The following CACNB4 variants were observed in gnomAD, a reference collection of about 807,000 sequenced individuals.
CACNB4 encodes calcium voltage-gated channel auxiliary subunit beta 4, also known as voltage-dependent L-type calcium channel subunit beta-4.
Under a neutral mutation model 71.2 loss-of-function variants are expected in CACNB4, and 32 were observed. The ratio of observed to expected loss-of-function variants is 0.45; its 90% CI spans 0.34 to 0.60. The LOEUF (loss-of-function observed/expected upper bound fraction) is 0.60, where lower values mean the gene tolerates loss of function less well. Ranked by LOEUF, CACNB4 falls within the 20% of genes least tolerant of loss-of-function variation. The pLI, the probability that CACNB4 is intolerant of heterozygous loss-of-function variation, is 0.01. For synonymous variants in CACNB4, 231 were observed against 236.9 expected (o/e 0.97, Z 0.23); for missense variants, 464 against 647.9 (o/e 0.72, Z 3.08).
intron 2 of CACNB4, among the ~76,000 whole-genome samples, chr2:151,985,235 T>A (rs1447237645): frequency 6.6e-6 from 1 of 152,202 alleles, no homozygotes; most frequent in Non-Finnish European, 1.5e-5. Flanking sequence ...TTGTTTTACA[T>A]CTAGAATATG....
At chr2:151,913,535 G>C (rs1407312530) in intron 2 of CACNB4, among the ~76,000 whole-genome samples, 5 of 152,104 alleles carry the variant, frequency 3.3e-5, no homozygotes, top group Non-Finnish European at 7.4e-5. Context: ...GGAGGCAGAG[G>C]AGGGTGGATC....
intron 2 of CACNB4, among the ~76,000 whole-genome samples, chr2:151,962,083 G>A (rs1002422179): frequency 1.3e-5 from 2 of 152,188 alleles, no homozygotes; most frequent in African/African-American, 4.8e-5. Flanking sequence ...GCTGAGTTTG[G>A]CCAAAAGGCA....
At chr2:151,932,722 TAGG>T (rs932884950) in intron 2 of CACNB4, among the ~76,000 whole-genome samples, 18 of 151,338 alleles carry the variant, frequency 1.2e-4, no homozygotes, top group African/African-American at 4.4e-4. Flanking sequence ...TTCAGCCACT[TAGG>T]AGGCTGAGGC....
chr2:151,937,421 T>C (rs2099863185), intron 2 of CACNB4, among the ~76,000 whole-genome samples: 1 of 152,228 alleles, frequency 6.6e-6, no homozygotes, highest in South Asian at 2.1e-4. Context: ...CAGAGATTAC[T>C]TCCTGGCTAC....
At chr2:152,051,631 C>T (rs1184792007) in intron 2 of CACNB4, among the ~76,000 whole-genome samples, 1 of 152,176 alleles carries the variant, frequency 6.6e-6, no homozygotes, top group African/African-American at 2.4e-5. Flanking sequence ...CAGTTGTCTG[C>T]AAACTGAAAG....
intron 2 of CACNB4, among the ~76,000 whole-genome samples, chr2:151,997,563 G>A (rs1209769384): frequency 6.6e-6 from 1 of 152,068 alleles, no homozygotes; most frequent in African/African-American, 2.4e-5. Flanking sequence ...GGACAAAGGG[G>A]AGAAGACACA....
At chr2:152,048,683 A>G (rs1685260504) in intron 2 of CACNB4, 1 of 152,266 alleles carries the variant, frequency 6.6e-6, no homozygotes, top group African/African-American at 2.4e-5. Context: ...GCCTGCACCC[A>G]TGGGATGGAA....
intron 2 of CACNB4, among the ~76,000 whole-genome samples, chr2:151,925,147 T>C (rs2099859913): frequency 6.6e-6 from 1 of 152,176 alleles, no homozygotes; most frequent in African/African-American, 2.4e-5. Context: ...TAAACAGTGG[T>C]TAGTGAACAA....
chr2:151,996,930 G>GAA (rs35096428), intron 2 of CACNB4, among the ~76,000 whole-genome samples: 55 of 151,776 alleles, frequency 3.6e-4, no homozygotes, highest in East Asian at 9.7e-4. Flanking sequence ...TGGTGTTTAA[G>GAA]AAAAAAAATA....
rs543817504 is a variant in CACNB4 at position 152,024,104 on chromosome 2, G to A, written c.147+74226C>T. On this transcript the variant is annotated intron_variant, in intron 2 of 13. Coordinates refer to ENST00000539935, the MANE Select transcript of CACNB4 (RefSeq NM_000726.5). ...GGAGGCTGAAGGAGGAGGATTGCTT[G>A]AGGCCAGGAGGTCAAGACCAGCCTG... 2.0e-5 allele frequency among the ~76,000 whole-genome samples: 3 copies of A among 152,332 alleles called. No individual in the cohort carries two copies. In the South Asian group the frequency reaches 6.2e-4, roughly 32 times the overall value.
chr2:152,091,256 A>G (rs541828267), intron 2 of CACNB4, among the ~76,000 whole-genome samples: 219 of 152,282 alleles, frequency 1.4e-3, no homozygotes, highest in Middle Eastern at 3.4e-3. Context: ...GCAAGAGAAG[A>G]TTCATTGCAC....
intron 2 of CACNB4, among the ~76,000 whole-genome samples, chr2:151,937,089 C>T (rs2099863101): frequency 6.6e-6 from 1 of 152,164 alleles, no homozygotes; most frequent in South Asian, 2.1e-4. Flanking sequence ...TACATTTCAA[C>T]CCAGTTTCAG....
At chr2:152,026,924 T>TG (rs397703236) in intron 2 of CACNB4, among the ~76,000 whole-genome samples, 9 of 151,604 alleles carry the variant, frequency 5.9e-5, no homozygotes, top group Non-Finnish European at 8.8e-5. Flanking sequence ...TTTTTTTTTT[T>TG]GATACGGAGT....
intron 2 of CACNB4, among the ~76,000 whole-genome samples, chr2:152,087,923 C>G (rs1687751547): frequency 6.6e-6 from 1 of 151,868 alleles, no homozygotes; most frequent in Non-Finnish European, 1.5e-5. Flanking sequence ...AAATCTGAAG[C>G]CAGTCACAAA....
intron 2 of CACNB4, among the ~76,000 whole-genome samples, chr2:151,997,309 C>A (rs1425794191): frequency 6.6e-6 from 1 of 151,878 alleles, no homozygotes; most frequent in African/African-American, 2.4e-5. Flanking sequence ...CTGAGGCAGG[C>A]GGATCACGAG....
At chr2:151,896,264 G>C (rs2099852038) in intron 2 of CACNB4, among the ~76,000 whole-genome samples, 1 of 152,182 alleles carries the variant, frequency 6.6e-6, no homozygotes, top group Non-Finnish European at 1.5e-5. Flanking sequence ...AAGCCTGTAG[G>C]CCTTCTAGGT....
intron 10 of CACNB4, chr2:151,858,284 A>G (rs1246848051): frequency 1.3e-5 from 2 of 152,164 alleles, no homozygotes; most frequent in Non-Finnish European, 2.9e-5. Context: ...GATCCCTGTC[A>G]CAAATTATAT....
At chr2:152,069,642 A>G (rs1025620243) in intron 2 of CACNB4, among the ~76,000 whole-genome samples, 3 of 152,024 alleles carry the variant, frequency 2.0e-5, no homozygotes, top group African/African-American at 7.2e-5. Flanking sequence ...AATGAGGTGA[A>G]AAAGTTTTAA....
chr2:152,036,523 C>T (rs1684600894), intron 2 of CACNB4, among the ~76,000 whole-genome samples: 1 of 152,202 alleles, frequency 6.6e-6, no homozygotes, highest in Non-Finnish European at 1.5e-5. Context: ...TGGTCTCGAA[C>T]TCCTGACCTT....
Sources: gnomAD v4.1 joint callset for allele counts (sites outside exome capture counted in the v4.1 genomes callset) on GRCh38, gnomAD v4.1.1 for gene constraint, MANE v1.5 for transcripts, NCBI Gene and HGNC (gene_info 2026-07-23, HGNC 2026-07-21) for gene names.